LRRC72: variants seen among roughly 807,000 people sequenced by gnomAD.
The protein encoded by LRRC72 is leucine rich repeat containing 72.
A neutral mutation model predicts 35.8 loss-of-function variants in LRRC72; 41 were observed. That is an observed-to-expected ratio of 1.15 (90% CI 0.89 to 1.49). LRRC72 has a LOEUF of 1.49. Ranked by LOEUF, LRRC72 falls within the 40% of genes most tolerant of loss-of-function variation. LRRC72 has a pLI of 0.00. For missense variants in LRRC72, 389 were observed against 330.7 expected (o/e 1.18, Z -1.37); for synonymous variants, 118 against 119.2 (o/e 0.99, Z 0.07).
In LRRC72 at chr7:16,557,372, A is replaced by G; in HGVS notation, c.247A>G (p.Thr83Ala). 2 of 1,305,690 alleles carry G rather than the reference A, an allele frequency of 1.5e-6. No individual in the cohort carries two copies. The highest frequency in any genetic ancestry group is 5.9e-5 in the East Asian group (2 of 33,736). 80.9% of individuals were successfully genotyped at this position (1,305,690 alleles called of 1,614,324 possible). A position where few individuals can be genotyped will look rare whatever the true frequency, so the allele number is the denominator to read the frequency against. The change falls in exon 4 of 9, where the codon ACA (threonine) becomes GCA (alanine). Residue 83 changes from threonine to alanine, a missense_variant. By Grantham distance (58) the Thr-to-Ala change is moderately conservative. Coordinates refer to ENST00000401542, the MANE Select transcript of LRRC72 (RefSeq NM_001195280.2). ...CTCTCATTTTTAGCTCCATGGAATA[A>G]CATTTCTAACTAGAAACTATTGTCT... is the stretch of plus-strand genomic sequence containing the variant. ...WLHHNKLHGI[T>A]FLTRNYCLTE...
rs1197430028 is a variant in LRRC72, at chr7:16,537,697, G to A, written c.234+1G>A. ...ATACTTATGGCTTCATCATAACAAG[G>A]TAGTGTTTTATTTTATCTTTCAATT... is the stretch of plus-strand genomic sequence containing the variant. On this transcript the variant is annotated splice_donor_variant, in intron 3 of 8. Coordinates refer to ENST00000401542, the MANE Select transcript of LRRC72 (RefSeq NM_001195280.2). LOFTEE classifies it high-confidence loss of function. 9.1e-6 allele frequency: 13 copies of A among 1,435,292 alleles called. No homozygotes were observed. The highest frequency in any genetic ancestry group is 1.2e-5 in the Non-Finnish European group (13 of 1,058,756). 88.9% of individuals were successfully genotyped at this position (1,435,292 alleles called of 1,614,324 possible). A position where few individuals can be genotyped will look rare whatever the true frequency, so the allele number is the denominator to read the frequency against.
chr7:16,537,883 CAT>C (rs775530312), intron 3 of LRRC72, among the ~76,000 whole-genome samples, 187 bp downstream of exon 3: 37 of 152,250 alleles, frequency 2.4e-4, no homozygotes, highest in Admixed American at 4.6e-4. Flanking sequence ...CATATACACA[CAT>C]GAGATACATT....
intron 7 of LRRC72, among the ~76,000 whole-genome samples, chr7:16,574,285 A>C (rs367938260): frequency 3.9e-5 from 6 of 152,186 alleles, no homozygotes; most frequent in Non-Finnish European, 1.5e-5. Flanking sequence ...TTGACCCAGC[A>C]ATCCCATTAC....
intron 5 of LRRC72, among the ~76,000 whole-genome samples, chr7:16,565,337 T>G (rs1782810133): frequency 6.6e-6 from 1 of 151,198 alleles, no homozygotes. Flanking sequence ...GGAGGCTGAA[T>G]CAGGACAATT....
intron 3 of LRRC72, among the ~76,000 whole-genome samples, chr7:16,555,544 G>A (rs966691694): frequency 8.5e-5 from 13 of 152,174 alleles, no homozygotes; most frequent in African/African-American, 1.7e-4. Flanking sequence ...AGGCCAAGGC[G>A]GGTGGATCAG....
chr7:16,563,566 T>C (rs796491389), intron 5 of LRRC72, among the ~76,000 whole-genome samples: 11 of 152,328 alleles, frequency 7.2e-5, no homozygotes, highest in East Asian at 3.9e-4. Context: ...CCATACATCA[T>C]AGAAGGCTTT....
At chr7:16,537,338 T>A (rs1782274639) in intron 2 of LRRC72, among the ~76,000 whole-genome samples, 1 of 152,242 alleles carries the variant, frequency 6.6e-6, no homozygotes, top group South Asian at 2.1e-4. Context: ...TAAAACTTGT[T>A]TTGAATTAAG....
intron 7 of LRRC72, among the ~76,000 whole-genome samples, chr7:16,572,189 A>G (rs1294376563): frequency 6.6e-6 from 1 of 152,244 alleles, no homozygotes; most frequent in Non-Finnish European, 1.5e-5. Context: ...ACAAAAGCCC[A>G]GGACCAGATG....
chr7:16,545,911 G>A (rs968729733), intron 3 of LRRC72, among the ~76,000 whole-genome samples: 3 of 151,792 alleles, frequency 2.0e-5, no homozygotes, highest in Non-Finnish European at 4.4e-5. Context: ...GAAAAGAGAG[G>A]GAAAAACATG....
At chr7:16,567,361 T>C (rs373592315) in intron 6 of LRRC72, 30 bp from the exon 7 acceptor site, 1 of 1,372,722 alleles carries the variant, frequency 7.3e-7, no homozygotes, top group Non-Finnish European at 9.7e-7. Flanking sequence ...TATAATGTTA[T>C]GCAATAACAT....
intron 7 of LRRC72, among the ~76,000 whole-genome samples, chr7:16,577,884 G>A (rs1408615803): frequency 6.6e-6 from 1 of 152,192 alleles, no homozygotes; most frequent in Admixed American, 6.5e-5. Context: ...GGTTGTTAAA[G>A]ATGAGGGGGG....
chr7:16,569,119 G>A (rs1197521176), intron 7 of LRRC72, among the ~76,000 whole-genome samples: 1 of 151,996 alleles, frequency 6.6e-6, no homozygotes, highest in Admixed American at 6.6e-5. Context: ...CATATCTGAC[G>A]CTTTGCCTCT....
chr7:16,560,230 A>G (rs570687834), intron 5 of LRRC72, among the ~76,000 whole-genome samples: 1 of 152,184 alleles, frequency 6.6e-6, no homozygotes, highest in Non-Finnish European at 1.5e-5. Flanking sequence ...TTCATTTCTC[A>G]GAATTGCCTG....
intron 7 of LRRC72, among the ~76,000 whole-genome samples, chr7:16,572,815 A>G (rs1020432492): frequency 2.0e-5 from 3 of 152,160 alleles, no homozygotes; most frequent in Non-Finnish European, 4.4e-5. Context: ...TAATCAGGCA[A>G]GAGAAAGAAA....
Position 16,527,493 on chromosome 7 carries a change from T to A in LRRC72, c.90+451T>A, listed in dbSNP as rs190761953. On this transcript the variant is annotated intron_variant, in intron 1 of 8. Coordinates refer to ENST00000401542, the MANE Select transcript of LRRC72 (RefSeq NM_001195280.2). ...GTGTGGATGTGGGTGTGGGTGTGTA[T>A]CCCTAATATATTGTTCCCAGCAAGG... 2.1e-4 allele frequency among the ~76,000 whole-genome samples: 32 copies of A among 151,952 alleles called. No homozygotes were observed. In the East Asian group the frequency reaches 5.2e-3, roughly 25 times the overall value.
At chr7:16,575,934 C>T (rs943299818) in intron 7 of LRRC72, among the ~76,000 whole-genome samples, 1 of 152,158 alleles carries the variant, frequency 6.6e-6, no homozygotes, top group African/African-American at 2.4e-5. Context: ...TTTGTTTAAC[C>T]AGATTGCTGG....
intron 1 of LRRC72, among the ~76,000 whole-genome samples, chr7:16,531,180 CAA>C (rs1239439988): frequency 1.4e-4 from 16 of 117,492 alleles, no homozygotes; most frequent in African/African-American, 9.3e-5. Context: ...AAAACTCTCT[CAA>C]AAAAAAAAAA....
chr7:16,537,738 C>A, intron 3 of LRRC72, 42 bp downstream of exon 3: 2 of 1,136,016 alleles, frequency 1.8e-6, no homozygotes, highest in Admixed American at 2.8e-5. Flanking sequence ...AATTAAACTA[C>A]TATCTTAATT....
chr7:16,575,479 G>C (rs1278449610), intron 7 of LRRC72, among the ~76,000 whole-genome samples: 1 of 152,198 alleles, frequency 6.6e-6, no homozygotes, highest in Non-Finnish European at 1.5e-5. Context: ...GGTAGTACCA[G>C]TGTGGGATTA....
Sources: gnomAD v4.1 joint callset for allele counts (sites outside exome capture counted in the v4.1 genomes callset) on GRCh38, gnomAD v4.1.1 for gene constraint, MANE v1.5 for transcripts, NCBI Gene and HGNC (gene_info 2026-07-23, HGNC 2026-07-21) for gene names.